The following ARMC10 variants were observed in gnomAD, a reference collection of about 807,000 sequenced individuals.
ARMC10 encodes the protein armadillo repeat-containing protein 10.
ARMC10 carries 23 observed loss-of-function variants against 30.2 expected under a neutral mutation model. The ratio of observed to expected loss-of-function variants is 0.76; its 90% CI spans 0.55 to 1.08. The LOEUF (loss-of-function observed/expected upper bound fraction) is 1.08, where lower values mean the gene tolerates loss of function less well. ARMC10 is among the 50% of genes least tolerant of loss of function. The pLI is 0.00. For synonymous variants in ARMC10, 111 were observed against 164.4 expected (o/e 0.68, Z 2.48); for missense variants, 303 against 413.7 (o/e 0.73, Z 2.32).
chr7:103,078,609 T>G (rs192649703), intron 2 of ARMC10, among the ~76,000 whole-genome samples: 4 of 152,362 alleles, frequency 2.6e-5, no homozygotes, highest in Admixed American at 6.5e-5. Context: ...GAGAATGGAC[T>G]AATAAAGTCA....
chr7:103,098,101 A>G (rs1038736562), intron 6 of ARMC10, among the ~76,000 whole-genome samples, 198 bp from the exon 7 acceptor site: 4 of 152,204 alleles, frequency 2.6e-5, no homozygotes, highest in African/African-American at 9.6e-5. Context: ...GTGGGGGTAC[A>G]TAAGGTTTTA....
intron 2 of ARMC10, among the ~76,000 whole-genome samples, chr7:103,079,272 CATG>C (rs1304576023): frequency 6.6e-6 from 1 of 151,954 alleles, no homozygotes; most frequent in East Asian, 1.9e-4. Context: ...GGAAAAGCCA[CATG>C]ATGACCTCAT....
At chr7:103,077,148 C>G (rs542856586) in intron 2 of ARMC10, among the ~76,000 whole-genome samples, 1 of 152,142 alleles carries the variant, frequency 6.6e-6, no homozygotes, top group African/African-American at 2.4e-5. Flanking sequence ...GCCTCAGCAT[C>G]CCGAAGTGCT....
intron 2 of ARMC10, among the ~76,000 whole-genome samples, chr7:103,080,800 G>A (rs2129520662): frequency 6.6e-6 from 1 of 151,716 alleles, no homozygotes; most frequent in East Asian, 1.9e-4. Context: ...GCTAATTTTT[G>A]TATTTTTAGT....
intron 2 of ARMC10, among the ~76,000 whole-genome samples, chr7:103,077,446 C>T (rs1390904241): frequency 6.6e-6 from 1 of 152,134 alleles, no homozygotes; most frequent in Non-Finnish European, 1.5e-5. Context: ...GGGGCCGTAG[C>T]TGGTAAGGGC....
chr7:103,075,559 G>A (rs998306649), intron 1 of ARMC10, 148 bp downstream of exon 1: 5 of 1,009,360 alleles, frequency 5.0e-6, no homozygotes, highest in African/African-American at 4.9e-5. Flanking sequence ...GTGCTGCGCC[G>A]CCCCCGCCGC....
At chr7:103,091,876 T>A (rs1300826102) in intron 4 of ARMC10, among the ~76,000 whole-genome samples, 1 of 152,190 alleles carries the variant, frequency 6.6e-6, no homozygotes, top group Admixed American at 6.5e-5. Context: ...CTTTAAAGAC[T>A]TAAAAGTCCT....
intron 4 of ARMC10, chr7:103,087,013 C>A: frequency 9.4e-7 from 1 of 1,060,494 alleles, no homozygotes; most frequent in Non-Finnish European, 1.3e-6. Flanking sequence ...GGGACAGGCA[C>A]TGGTGACAGT....
rs559445201 is a variant in ARMC10 at position 103,087,095 on chromosome 7, G to A, written c.528+331G>A. Among the ~76,000 whole-genome samples the A allele has an allele frequency of 1.1e-4, 17 of 152,312 alleles. 1 individual carries two copies. The South Asian group carries it at 2.7e-3, about 24-fold the overall frequency. ...GCTGAAAGTTGGGACAAGACTTTGC[G>A]CTAGAACTAGAACTAGTATTACAAG... On this transcript the variant is annotated intron_variant, in intron 4 of 6. Coordinates refer to ENST00000323716, the MANE Select transcript of ARMC10 (RefSeq NM_031905.5).
At chr7:103,077,809 A>C (rs973231950) in intron 2 of ARMC10, among the ~76,000 whole-genome samples, 6 of 152,206 alleles carry the variant, frequency 3.9e-5, no homozygotes, top group Non-Finnish European at 7.3e-5. Flanking sequence ...ACTCAATCTG[A>C]TGAATGTGGA....
intron 3 of ARMC10, among the ~76,000 whole-genome samples, chr7:103,085,749 GGAT>G (rs1800790943): frequency 6.6e-6 from 1 of 151,908 alleles, no homozygotes; most frequent in Admixed American, 6.6e-5. Flanking sequence ...CCAGTAGCTG[GGAT>G]TACAGGCACT....
At chr7:103,084,928 C>T (rs955159226) in intron 3 of ARMC10, among the ~76,000 whole-genome samples, 2 of 152,164 alleles carry the variant, frequency 1.3e-5, no homozygotes, top group Non-Finnish European at 2.9e-5. Context: ...TTTATTGAGG[C>T]CTGGTTCACA....
intron 4 of ARMC10, 146 bp from the exon 5 acceptor site, chr7:103,092,331 A>AAG (rs10660307): frequency 1.4e-5 from 1 of 69,536 alleles, no homozygotes; most frequent in Non-Finnish European, 2.1e-5. Context: ...ACTCCGTCTC[A>AAG]AAAAAAAAAA....
rs149036313 is a variant in ARMC10, at chr7:103,075,822, C to G, written c.185C>G (p.Ser62Trp). The G allele has an allele frequency of 1.2e-6, 2 of 1,611,042 alleles. No individual in the cohort carries two copies. The highest frequency in any genetic ancestry group is 2.7e-5 in the African/African-American group (2 of 74,842). ...TCAGAGGGTCAGTTGTGCGGGCGCTCGGCCCGGCCTCAGACGGGAGGTACC... is the reference window on the plus strand; with the variant it reads ...TCAGAGGGTCAGTTGTGCGGGCGCTGGGCCCGGCCTCAGACGGGAGGTACC... ...GTSEGQLCGRSARPQTGGTWE... is the reference protein window; with the variant it reads ...GTSEGQLCGRWARPQTGGTWE... The change falls in exon 2 of 7, where the codon TCG (serine) becomes TGG (tryptophan). Residue 62 changes from serine to tryptophan, a missense_variant. Coordinates refer to ENST00000323716, the MANE Select transcript of ARMC10 (RefSeq NM_031905.5).
chr7:103,093,361 A>C (rs1294253663), intron 5 of ARMC10, among the ~76,000 whole-genome samples: 1 of 152,202 alleles, frequency 6.6e-6, no homozygotes, highest in Non-Finnish European at 1.5e-5. Flanking sequence ...AGAAAGACCA[A>C]ATGTGAAGCC....
intron 4 of ARMC10, chr7:103,088,535 C>A (rs1801046370): frequency 6.6e-6 from 1 of 152,522 alleles, no homozygotes; most frequent in African/African-American, 2.4e-5. Flanking sequence ...TTGCTTAGTT[C>A]TCCAAAGAAA....
At chr7:103,088,224 T>C (rs1303342381) in intron 4 of ARMC10, among the ~76,000 whole-genome samples, 1 of 152,220 alleles carries the variant, frequency 6.6e-6, no homozygotes, top group African/African-American at 2.4e-5. Context: ...TAGTTTGGAA[T>C]AGGGGTCTTT....
intron 6 of ARMC10, 78 bp downstream of exon 6, chr7:103,097,426 G>C (rs964878776): frequency 1.8e-6 from 2 of 1,106,478 alleles, no homozygotes; most frequent in African/African-American, 3.1e-5. Flanking sequence ...GAAAGATTAA[G>C]CCTAAAATGT....
intron 2 of ARMC10, chr7:103,082,032 G>C (rs1236062136): frequency 2.6e-6 from 1 of 382,078 alleles, no homozygotes; most frequent in Non-Finnish European, 5.2e-6. Flanking sequence ...AAAATAAGAG[G>C]TTTGGATGAA....
Sources: gnomAD v4.1 joint callset for allele counts (sites outside exome capture counted in the v4.1 genomes callset) on GRCh38, gnomAD v4.1.1 for gene constraint, MANE v1.5 for transcripts, NCBI Gene and HGNC (gene_info 2026-07-23, HGNC 2026-07-21) for gene names.